Variants in L3MBTL1 observed in about 807,000 individuals in gnomAD.
L3MBTL1 encodes lethal(3)malignant brain tumor-like protein 1.
In L3MBTL1, 75 loss-of-function variants were observed where a neutral mutation model predicts 105.3. That is an observed-to-expected ratio of 0.71 (90% CI 0.59 to 0.86). The LOEUF (loss-of-function observed/expected upper bound fraction) is 0.86, where lower values mean the gene tolerates loss of function less well. Among genes scored for constraint, L3MBTL1 ranks in the 40% least tolerant of loss-of-function variants. The pLI is 0.00. For missense variants in L3MBTL1, 1,069 were observed against 1,126.4 expected, an observed-to-expected ratio of 0.95 and a Z score of 0.73; for synonymous variants, 452 against 436.2, an observed-to-expected ratio of 1.04 and a Z score of -0.45.
intron 7 of L3MBTL1, among the ~76,000 whole-genome samples, chr20:43,524,966 T>G (rs67637459): frequency 0.11 from 16,173 of 152,124 alleles, 1,063 homozygotes; most frequent in East Asian, 0.32. Context: ...TGATATGTAT[T>G]CTGGCAGTAG....
chr20:43,538,431 C>T (rs919326462), intron 19 of L3MBTL1, among the ~76,000 whole-genome samples: 1 of 152,210 alleles, frequency 6.6e-6, no homozygotes, highest in Middle Eastern at 3.2e-3. Context: ...GCCCAGGTCT[C>T]ACTTCCACAG....
chr20:43,548,054 T>C (rs1372311230), intron 18 of L3MBTL1: 2 of 793,528 alleles, frequency 2.5e-6, no homozygotes, highest in Admixed American at 2.8e-5. Context: ...CCTTCACCCC[T>C]GCCCCGTGAC....
chr20:43,540,718 G>A, intron 20 of L3MBTL1, 35 bp from the exon 21 acceptor site: 1 of 1,610,004 alleles, frequency 6.2e-7, no homozygotes, highest in Non-Finnish European at 8.5e-7. Flanking sequence ...CCTAAGCTCT[G>A]TCCCCTGGTC....
chr20:43,542,841 ACGT>A (rs1007350819), downstream of L3MBTL1, among the ~76,000 whole-genome samples: 7 of 152,114 alleles, frequency 4.6e-5, no homozygotes, highest in Admixed American at 4.6e-4. Context: ...AGGCTTCTCC[ACGT>A]TGTTATCTGT....
chr20:43,540,995 T>A lies in L3MBTL1; in HGVS notation c.2456T>A (p.Leu819His). The A allele has an allele frequency of 6.2e-7, 1 of 1,614,164 alleles. No homozygotes were observed. The highest frequency in any genetic ancestry group is 8.5e-7 in the Non-Finnish European group (1 of 1,180,030). The change falls in exon 22 of 22, where the codon CTT (leucine) becomes CAT (histidine). Residue 819 changes from leucine (L) to histidine (H), a missense_variant. By Grantham distance (99) the Leu-to-His change is moderately conservative (BLOSUM62 -3). Transcript: ENST00000418998. The part of the protein sequence containing the change: ...GKTLVWTVAQ[L>H]GDLVCSDHLQ... The stretch of plus-strand genomic sequence containing the variant: ...ACTCTAGTCTGGACTGTGGCCCAGC[T>A]TGGGGACCTTGTGTGCTCAGATCAT...
chr20:43,535,812 G>T (rs1190672378), intron 16 of L3MBTL1, 25 bp from the exon 17 acceptor site: 2 of 1,498,250 alleles, frequency 1.3e-6, no homozygotes, highest in Admixed American at 2.1e-5. Flanking sequence ...ACTCCATGAG[G>T]ACCGCCTCCT....
At chr20:43,509,925 G>A (rs375524031) in intron 1 of L3MBTL1, among the ~76,000 whole-genome samples, 7 of 151,774 alleles carry the variant, frequency 4.6e-5, no homozygotes, top group South Asian at 2.1e-4. Flanking sequence ...GTGCAGTGGC[G>A]CGATCTTGGC....
At position 43,528,645 on chromosome 20, in the gene L3MBTL1, C is replaced by T; in HGVS notation, c.863-12C>T. On this transcript the variant is annotated splice_polypyrimidine_tract_variant and intron_variant, in intron 7 of 21. Transcript: ENST00000418998. ...CAGCCCAGGAGTTAGCCTGTCTGTC[C>T]CCTTTCCACAGCAACAGGTGAGAAG... 6.2e-7 allele frequency: 1 copy of T among 1,610,938 alleles called. No homozygotes were observed. Among genetic ancestry groups the T allele is most frequent in the Non-Finnish European group, 8.5e-7 (1 of 1,177,110 alleles).
At chr20:43,515,707 A>G in intron 6 of L3MBTL1, 2 of 467,570 alleles carry the variant, frequency 4.3e-6, no homozygotes, top group Non-Finnish European at 7.8e-6. Context: ...GGAAAACTCC[A>G]TCACTGGAGT....
In L3MBTL1 at chr20:43,514,076, G is replaced by T. The variant is rs1038017622; in HGVS notation, c.360+15G>T. The T allele has an allele frequency of 6.5e-7, 1 of 1,528,850 alleles. No individual in the cohort carries two copies. Among genetic ancestry groups the T allele is most frequent in the African/African-American group, 1.4e-5 (1 of 72,844 alleles). The allele number at this position is 1,528,850 out of a possible 1,614,324, so 94.7% of individuals were successfully genotyped here. A position where few individuals can be genotyped will look rare whatever the true frequency, so the allele number is the denominator to read the frequency against. ...GCGGCCTGCGGGTCAGTGTCTGTGGGGATTGGCTAAGCCTCGTAAACCGCA... is the reference window on the plus strand; with the variant it reads ...GCGGCCTGCGGGTCAGTGTCTGTGGTGATTGGCTAAGCCTCGTAAACCGCA... On this transcript the variant is annotated intron_variant, in intron 3 of 21. Coordinates refer to ENST00000418998, the MANE Select transcript of L3MBTL1 (RefSeq NM_001377303.1).
chr20:43,540,364 A>G, intron 20 of L3MBTL1, 56 bp downstream of exon 20: 1 of 1,591,756 alleles, frequency 6.3e-7, no homozygotes. Context: ...CCCTCTCACC[A>G]TACCCTGGTG....
At chr20:43,528,437 G>T (rs529199725) in intron 7 of L3MBTL1, among the ~76,000 whole-genome samples, 3 of 152,198 alleles carry the variant, frequency 2.0e-5, no homozygotes, top group African/African-American at 7.2e-5. Context: ...GAGCGGGTGG[G>T]GGGGAAGTGA....
intron 4 of L3MBTL1, 89 bp from the exon 5 acceptor site, chr20:43,514,920 A>C: frequency 6.6e-7 from 1 of 1,516,954 alleles, no homozygotes; most frequent in Non-Finnish European, 8.9e-7. Flanking sequence ...AGATGGACCG[A>C]GGCGGAGGCA....
chr20:43,535,895 C>T lies in L3MBTL1; in HGVS notation c.1884C>T (p.Ser628=). The T allele has an allele frequency of 6.2e-7, 1 of 1,613,458 alleles. No homozygotes were observed. ...GCTGTCCCCCTCTCAGCTATAGGAGCCTGCCCCACACTAGGACCTCCAAAT... is the reference window on the plus strand; with the variant it reads ...GCTGTCCCCCTCTCAGCTATAGGAGTCTGCCCCACACTAGGACCTCCAAAT... The part of the protein sequence containing the change: ...PGGCPPLSYR[S]LPHTRTSKYS... Residue 628 remains serine, a synonymous_variant, in exon 17 of 22, where the codon AGC becomes AGT. Coordinates refer to ENST00000418998, the MANE Select transcript of L3MBTL1 (RefSeq NM_001377303.1).
At chr20:43,537,394 T>A (rs2019684772) in intron 19 of L3MBTL1, among the ~76,000 whole-genome samples, 1 of 152,246 alleles carries the variant, frequency 6.6e-6, no homozygotes. Context: ...CTTTCTTCTG[T>A]GCACAAGCAT....
chr20:43,514,044 C>G lies in L3MBTL1; in HGVS notation c.343C>G (p.Pro115Ala), dbSNP rs576903477. 1 of 1,534,628 alleles carries G rather than the reference C, an allele frequency of 6.5e-7. No individual in the cohort carries two copies. Among genetic ancestry groups the G allele is most frequent in the African/African-American group, 1.4e-5 (1 of 72,962 alleles). ...ATGGACAGAGGCCGCGGCCCCGCCC[C>G]CAGGGGGCGGCCTGCGGGTCAGTGT... ...LEWTEAAAPP[P>A]GGGLRFRISE... Residue 115 changes from proline (P) to alanine (A), a missense_variant, in exon 3 of 22, where the codon CCA becomes GCA. Coordinates refer to ENST00000418998, the MANE Select transcript of L3MBTL1 (RefSeq NM_001377303.1).
At chr20:43,535,087 C>T in intron 16 of L3MBTL1, 145 bp downstream of exon 16, 1 of 609,704 alleles carries the variant, frequency 1.6e-6, no homozygotes, top group Non-Finnish European at 2.9e-6. Flanking sequence ...AATCCCCCAT[C>T]TGCCCCACCC....
Position 43,526,081 on chromosome 20 carries a change from G to A in L3MBTL1, c.863-2576G>A, listed in dbSNP as rs1023453721. 2.6e-5 allele frequency among the ~76,000 whole-genome samples: 4 copies of A among 152,152 alleles called. No homozygotes were observed. In the South Asian group the frequency reaches 6.2e-4, roughly 24 times the overall value. On this transcript the variant is annotated intron_variant, in intron 7 of 21. Transcript: ENST00000418998. ...AGGGTGTTGGTCAGAGGTGTCTGCTGTGGCATGGGGGTCTCAGAGCTTGGT... is the reference window on the plus strand; with the variant it reads ...AGGGTGTTGGTCAGAGGTGTCTGCTATGGCATGGGGGTCTCAGAGCTTGGT...
In L3MBTL1 at chr20:43,536,167, T is replaced by A; in HGVS notation, c.1996T>A (p.Ser666Thr). 6.2e-7 allele frequency: 1 copy of A among 1,613,760 alleles called. No homozygotes were observed. The highest frequency in any genetic ancestry group is 8.5e-7 in the Non-Finnish European group (1 of 1,180,018). The change falls in exon 18 of 22, where the codon TCA becomes ACA. Residue 666 changes from serine (S) to threonine (T), a missense_variant. Coordinates refer to ENST00000418998, the MANE Select transcript of L3MBTL1 (RefSeq NM_001377303.1). Reference protein sequence around the residue: ...TGKFTAHHCLSGCPLAERNQS... With the variant: ...TGKFTAHHCLTGCPLAERNQS... ...CAAGTTCACAGCTCACCATTGCCTCTCAGGCTGCCCACTGGCTGAGAGGAA... is the reference window on the plus strand; with the variant it reads ...CAAGTTCACAGCTCACCATTGCCTCACAGGCTGCCCACTGGCTGAGAGGAA...
Sources: allele counts gnomAD v4.1 joint callset (sites outside exome capture counted in the v4.1 genomes callset), GRCh38; gene constraint gnomAD v4.1.1; transcripts MANE v1.5; gene names NCBI Gene and HGNC (gene_info 2026-07-23, HGNC 2026-07-21).